The following RPL32 variants were observed in gnomAD, a reference collection of about 807,000 sequenced individuals.
RPL32 encodes the protein large ribosomal subunit protein eL32.
For missense variants in RPL32, 117 were observed against 173.7 expected, an observed-to-expected ratio of 0.67 and a Z score of 1.83; for synonymous variants, 61 against 62.6, an observed-to-expected ratio of 0.98 and a Z score of 0.12.
intron 2 of RPL32, 54 bp from the exon 3 acceptor site, chr3:12,839,584 C>A (rs1470189128): frequency 6.4e-7 from 1 of 1,560,024 alleles, no homozygotes; most frequent in Non-Finnish European, 8.8e-7. Flanking sequence ...GCGAACTCTT[C>A]CTTTTGGGGA....
At chr3:12,839,618 AG>A (rs763095688) in intron 2 of RPL32, 88 bp from the exon 3 acceptor site, 3 of 1,277,948 alleles carry the variant, frequency 2.3e-6, no homozygotes, top group Admixed American at 1.7e-5. Context: ...CCAAATGAAA[AG>A]GAAGTATGCC....
Position 12,835,840 on chromosome 3 carries a change from T to C in RPL32, c.*254A>G, listed in dbSNP as rs113372278. 1 of 478,876 alleles carries C rather than the reference T, an allele frequency of 2.1e-6. No individual in the cohort carries two copies. The allele number at this position is 478,876 out of a possible 1,614,324, so 29.7% of individuals were successfully genotyped here. On this transcript the variant is annotated 3_prime_UTR_variant, in exon 4 of 4. Coordinates refer to ENST00000429711, the MANE Select transcript of RPL32 (RefSeq NM_000994.4). ...CTACCTGGTGTGAGGGCCAAGTCTGTACCCCTCATACCCAGCCTCAACTGG... is the reference window on the plus strand; with the variant it reads ...CTACCTGGTGTGAGGGCCAAGTCTGCACCCCTCATACCCAGCCTCAACTGG...
chr3:12,837,501 G>C (rs1004228754), intron 3 of RPL32, among the ~76,000 whole-genome samples: 1 of 152,216 alleles, frequency 6.6e-6, no homozygotes, highest in Non-Finnish European at 1.5e-5. Context: ...TAATCATGTT[G>C]GCCATACAAC....
Position 12,834,893 on chromosome 3 carries a change from C to T in RPL32, c.*1201G>A, listed in dbSNP as rs559965491. On this transcript the variant is annotated 3_prime_UTR_variant, in exon 4 of 4. Coordinates refer to ENST00000429711, the MANE Select transcript of RPL32 (RefSeq NM_000994.4). ...GTTGCAGGGAGCCAAGATCAAGCCACTGCACTCCAGCCGGGGTGACAGAAT... is the reference window on the plus strand; with the variant it reads ...GTTGCAGGGAGCCAAGATCAAGCCATTGCACTCCAGCCGGGGTGACAGAAT... The T allele has an allele frequency of 6.6e-6, 1 of 152,352 alleles. No homozygotes were observed. The highest frequency in any genetic ancestry group is 1.9e-4 in the East Asian group (1 of 5,188). The allele number at this position is 152,352 out of a possible 1,614,324, so 9.4% of individuals were successfully genotyped here. A position where few individuals can be genotyped will look rare whatever the true frequency, so the allele number is the denominator to read the frequency against.
At chr3:12,840,319 G>C (rs2124885637) in intron 1 of RPL32, 77 bp from the exon 2 acceptor site, 1 of 1,039,836 alleles carries the variant, frequency 9.6e-7, no homozygotes. Flanking sequence ...GAACACTGTC[G>C]CAGAGTGTCT....
chr3:12,839,824 T>C (rs1433638484), intron 2 of RPL32, among the ~76,000 whole-genome samples: 1 of 152,236 alleles, frequency 6.6e-6, no homozygotes, highest in East Asian at 1.9e-4. Context: ...CTGCAGACAC[T>C]GCTCTCAGCA....
intron 1 of RPL32, chr3:12,840,780 G>A (rs1305578074): frequency 7.3e-5 from 20 of 274,480 alleles, no homozygotes; most frequent in Middle Eastern, 1.3e-3. Context: ...CTCTGAAGAT[G>A]CCTCAAACCT....
At position 12,836,082 on chromosome 3, in the gene RPL32, C is replaced by G; in HGVS notation, c.*12G>C. On this transcript the variant is annotated 3_prime_UTR_variant, in exon 4 of 4. Coordinates refer to ENST00000429711, the MANE Select transcript of RPL32 (RefSeq NM_000994.4). ...TACATTTATTTAAACAGAAAACGTG[C>G]ACATGAGCTGCCTACTCATTTTCTT... 2 of 1,610,676 alleles carry G rather than the reference C, an allele frequency of 1.2e-6. No homozygotes were observed. The highest frequency in any genetic ancestry group is 1.7e-6 in the Non-Finnish European group (2 of 1,179,926).
chr3:12,839,728 ACCC>A (rs2062132445), intron 2 of RPL32, 198 bp from the exon 3 acceptor site: 6 of 631,614 alleles, frequency 9.5e-6, no homozygotes, highest in Non-Finnish European at 1.7e-5. Context: ...GGATGAAGGC[ACCC>A]CCACCATTGC....
chr3:12,835,537 T>C lies in RPL32; in HGVS notation c.*557A>G, dbSNP rs2062092976. On this transcript the variant is annotated 3_prime_UTR_variant, in exon 4 of 4. Coordinates refer to ENST00000429711, the MANE Select transcript of RPL32 (RefSeq NM_000994.4). ...CCTGAAGCAGCAGCTGGTGGGAGGGTTATAGGAGACTGAAAGTGCTTTTCC... is the reference window on the plus strand; with the variant it reads ...CCTGAAGCAGCAGCTGGTGGGAGGGCTATAGGAGACTGAAAGTGCTTTTCC... The C allele has an allele frequency of 6.4e-6, 1 of 155,980 alleles. No individual in the cohort carries two copies. The highest frequency in any genetic ancestry group is 1.4e-5 in the Non-Finnish European group (1 of 70,466). The allele number at this position is 155,980 out of a possible 1,614,324, so 9.7% of individuals were successfully genotyped here.
rs746846517 is a variant in RPL32, at chr3:12,840,137, C to T, written c.96+5G>A. 49 of 1,610,898 alleles carry T rather than the reference C, an allele frequency of 3.0e-5. No homozygotes were observed. The highest frequency in any genetic ancestry group is 4.2e-5 in the Non-Finnish European group (49 of 1,177,200). ...CACACCCATTTCCATCCCAGGACCA[C>T]ATACCTTAATTTTGACATATCGGTC... On this transcript the variant is annotated splice_donor_5th_base_variant and intron_variant, in intron 2 of 3. Transcript: ENST00000429711.
intron 1 of RPL32, 112 bp downstream of exon 1, chr3:12,841,382 C>G (rs1003321345): frequency 6.6e-6 from 1 of 152,294 alleles, no homozygotes. Context: ...AGTAAGCTGA[C>G]AATAACAATA....
rs185009277 is a variant in RPL32, at chr3:12,838,274, G to A, written c.278+1075C>T. Among the ~76,000 whole-genome samples the A allele has an allele frequency of 1.1e-4, 16 of 152,346 alleles. No homozygotes were observed. In the East Asian group the frequency reaches 2.9e-3, roughly 28 times the overall value. On this transcript the variant is annotated intron_variant, in intron 3 of 3. Transcript: ENST00000429711. The stretch of plus-strand genomic sequence containing the variant: ...ATACAAAAATTAGCCAGGAATGGTG[G>A]TGCACGCCTGTAATCCCAGCTCTTG...
rs186611767 is a variant in RPL32 at position 12,834,682 on chromosome 3, T to C, written c.*1412A>G. 5 of 152,514 alleles carry C rather than the reference T, an allele frequency of 3.3e-5. No individual in the cohort carries two copies. Among genetic ancestry groups the C allele is most frequent in the East Asian group, 1.9e-4 (1 of 5,186 alleles). The allele number at this position is 152,514 out of a possible 1,614,324, so 9.4% of individuals were successfully genotyped here. The stretch of plus-strand genomic sequence containing the variant: ...CACCCAGGCATAACCAGTTGGTTTG[T>C]TTCCTTCTGAGGAAGGTTTCAAATG... On this transcript the variant is annotated 3_prime_UTR_variant, in exon 4 of 4. Transcript: ENST00000429711.
At chr3:12,839,183 A>C (rs1045575364) in intron 3 of RPL32, 166 bp downstream of exon 3, 1 of 660,956 alleles carries the variant, frequency 1.5e-6, no homozygotes, top group Non-Finnish European at 2.7e-6. Context: ...GAATTCCCCA[A>C]CAAGCATTCT....
Position 12,834,957 on chromosome 3 carries a change from A to G in RPL32, c.*1137T>C, listed in dbSNP as rs1394461695. The G allele has an allele frequency of 6.6e-6, 1 of 152,200 alleles. No homozygotes were observed. Among genetic ancestry groups the G allele is most frequent in the Non-Finnish European group, 1.5e-5 (1 of 68,034 alleles). The allele number at this position is 152,200 out of a possible 1,614,324, so 9.4% of individuals were successfully genotyped here. A position where few individuals can be genotyped will look rare whatever the true frequency, so the allele number is the denominator to read the frequency against. On this transcript the variant is annotated 3_prime_UTR_variant, in exon 4 of 4. Coordinates refer to ENST00000429711, the MANE Select transcript of RPL32 (RefSeq NM_000994.4). ...AAAATCCCAAAAATGACCAGTTTGC[A>G]TTATAAATATTTATGACTAGGTTTT...
At position 12,836,173 on chromosome 3, in the gene RPL32, G is replaced by A. The variant is rs144449615; in HGVS notation, c.329C>T (p.Ala110Val). The A allele has an allele frequency of 1.6e-5, 26 of 1,603,652 alleles. No homozygotes were observed. In the African/African-American group the frequency reaches 2.9e-4, roughly 18 times the overall value. Reference sequence around the variant, plus strand: ...CAGTTGGGCAGCTCTTTCCACGATGGCTTTGCGGTTCTTGGAGGAAACATT... The same window carrying A: ...CAGTTGGGCAGCTCTTTCCACGATGACTTTGCGGTTCTTGGAGGAAACATT... ...AHNVSSKNRKAIVERAAQLAI... is the reference protein window; with the variant it reads ...AHNVSSKNRKVIVERAAQLAI... The change falls in exon 4 of 4, where the codon GCC (alanine) becomes GTC (valine). Residue 110 changes from alanine to valine, a missense_variant. Physicochemically the swap from Ala to Val is moderately conservative, Grantham distance 64. Coordinates refer to ENST00000429711, the MANE Select transcript of RPL32 (RefSeq NM_000994.4).
intron 1 of RPL32, chr3:12,840,716 C>T: frequency 2.9e-6 from 1 of 340,702 alleles, no homozygotes; most frequent in South Asian, 2.2e-5. Flanking sequence ...CTTCTAATTC[C>T]CTAGGGAGCT....
chr3:12,837,301 AG>A (rs2124883027), intron 3 of RPL32, among the ~76,000 whole-genome samples: 1 of 152,286 alleles, frequency 6.6e-6, no homozygotes, highest in South Asian at 2.1e-4. Context: ...TTATATTTTC[AG>A]TTGTTTCCAG....
Sources: allele counts gnomAD v4.1 joint callset (sites outside exome capture counted in the v4.1 genomes callset), GRCh38; gene constraint gnomAD v4.1.1; transcripts MANE v1.5; gene names NCBI Gene and HGNC (gene_info 2026-07-23, HGNC 2026-07-21).